CDK14: variants seen among roughly 807,000 people sequenced by gnomAD.
CDK14 encodes the protein cyclin-dependent kinase 14.
A neutral mutation model predicts 60.7 loss-of-function variants in CDK14; 34 were observed. That is an observed-to-expected ratio of 0.56 (90% CI 0.43 to 0.75). The LOEUF (loss-of-function observed/expected upper bound fraction) is 0.75, where lower values mean the gene tolerates loss of function less well. Ranked by LOEUF, CDK14 falls within the 30% of genes least tolerant of loss-of-function variation. The pLI, the probability that CDK14 is intolerant of heterozygous loss-of-function variation, is 0.00. For synonymous variants in CDK14, 197 were observed against 203.7 expected, an observed-to-expected ratio of 0.97 and a Z score of 0.28; for missense variants, 482 against 564.1, an observed-to-expected ratio of 0.85 and a Z score of 1.47.
intron 12 of CDK14, among the ~76,000 whole-genome samples, chr7:91,103,970 T>C (rs1483919673): frequency 6.6e-6 from 1 of 152,212 alleles, no homozygotes; most frequent in Non-Finnish European, 1.5e-5. Flanking sequence ...ACTTGTTTCA[T>C]AGTTATTCGC....
intron 5 of CDK14, among the ~76,000 whole-genome samples, chr7:90,832,790 A>G (rs969345494): frequency 1.3e-5 from 2 of 152,222 alleles, no homozygotes; most frequent in African/African-American, 4.8e-5. Context: ...AACATAGGTC[A>G]TGAAAAGGAG....
rs1331722857 is a variant in CDK14 at position 90,843,928 on chromosome 7, A to G, written c.545-19247A>G. Among the ~76,000 whole-genome samples, 11 of 152,292 alleles carry G rather than the reference A, an allele frequency of 7.2e-5. 1 individual carries two copies. In the South Asian group the frequency reaches 2.3e-3, roughly 32 times the overall value. On this transcript the variant is annotated intron_variant, in intron 5 of 14. Transcript: ENST00000380050. ...ATATCCCATTGTCAAACTTCCATTT[A>G]TATAGCATCTTTAAATTTTTACTAG...
intron 2 of CDK14, among the ~76,000 whole-genome samples, chr7:90,607,666 C>G (rs951548683): frequency 1.3e-5 from 2 of 152,096 alleles, no homozygotes; most frequent in Non-Finnish European, 2.9e-5. Flanking sequence ...TTTAATTGAA[C>G]AGTTTAGAAG....
At chr7:90,645,469 C>A (rs1584765181) in intron 2 of CDK14, among the ~76,000 whole-genome samples, 1 of 152,168 alleles carries the variant, frequency 6.6e-6, no homozygotes, top group East Asian at 1.9e-4. Context: ...ACACATTTGC[C>A]AGGCTTGAAT....
chr7:90,814,821 G>A (rs1042268475), intron 5 of CDK14, among the ~76,000 whole-genome samples: 2 of 152,184 alleles, frequency 1.3e-5, no homozygotes, highest in African/African-American at 4.8e-5. Flanking sequence ...CAGCCAGGAA[G>A]CTGATTGTAA....
In CDK14 at chr7:90,668,696, ATTCTTTTTT is replaced by A. The variant is rs1364450972; in HGVS notation, c.124-57868_124-57860del. 9.7e-3 allele frequency among the ~76,000 whole-genome samples: 663 copies of A among 68,432 alleles called. 15 individuals carry two copies. The highest frequency in any genetic ancestry group is 0.034 in the African/African-American group (567 of 16,808). 44.9% of individuals were successfully genotyped at this position (68,432 alleles called of 152,430 possible). On this transcript the variant is annotated intron_variant, in intron 2 of 14. Transcript: ENST00000380050. ...TTATATGGTGTAAGGAAGGACTCGC[ATTCTTTTTT>A]TTTTTTTTTTTTTTTTTTTTTCAAC...
intron 2 of CDK14, among the ~76,000 whole-genome samples, chr7:90,708,083 C>A (rs1029520048): frequency 6.6e-6 from 1 of 152,160 alleles, no homozygotes; most frequent in African/African-American, 2.4e-5. Context: ...CTAAGAAGAA[C>A]CTTTAGCCCT....
intron 2 of CDK14, among the ~76,000 whole-genome samples, chr7:90,713,717 C>G (rs1802144562): frequency 6.7e-6 from 1 of 148,962 alleles, no homozygotes; most frequent in South Asian, 2.1e-4. Flanking sequence ...GTTTACTTCT[C>G]TCATGATGTA....
At chr7:90,599,723 C>A (rs13234216) in intron 1 of CDK14, among the ~76,000 whole-genome samples, 67,538 of 151,540 alleles carry the variant, frequency 0.45, 15,510 homozygotes, top group Non-Finnish European at 0.51. Flanking sequence ...TTCTCTTTAA[C>A]CAATCTAAGC....
chr7:90,827,928 G>A (rs1366195163), intron 5 of CDK14, among the ~76,000 whole-genome samples: 1 of 152,068 alleles, frequency 6.6e-6, no homozygotes, highest in Non-Finnish European at 1.5e-5. Flanking sequence ...TCTAGTATTG[G>A]TGGGAACCTA....
At chr7:90,919,589 T>C (rs1421421203) in intron 8 of CDK14, among the ~76,000 whole-genome samples, 1 of 152,216 alleles carries the variant, frequency 6.6e-6, no homozygotes, top group East Asian at 1.9e-4. Flanking sequence ...CTTTCTCCTG[T>C]TCCTTTCTCT....
chr7:90,700,206 G>A (rs998048155), intron 2 of CDK14, among the ~76,000 whole-genome samples: 2 of 152,118 alleles, frequency 1.3e-5, no homozygotes, highest in African/African-American at 2.4e-5. Flanking sequence ...TGATTCTCCT[G>A]CCTTAGCCTC....
intron 6 of CDK14, among the ~76,000 whole-genome samples, chr7:90,870,397 G>A (rs1474226301): frequency 1.3e-5 from 2 of 152,122 alleles, no homozygotes; most frequent in Non-Finnish European, 2.9e-5. Context: ...TGGATACTAG[G>A]CTTAACACCT....
chr7:90,903,497 A>G (rs1171473012), intron 7 of CDK14, among the ~76,000 whole-genome samples: 1 of 152,196 alleles, frequency 6.6e-6, no homozygotes, highest in Non-Finnish European at 1.5e-5. Flanking sequence ...ATATTCATAT[A>G]TGGGAGCTAA....
In CDK14 at chr7:90,753,195, CAG is replaced by C. The variant is rs1465477526; in HGVS notation, c.464+5422_464+5423del. 2.0e-5 allele frequency among the ~76,000 whole-genome samples: 3 copies of C among 152,100 alleles called. No homozygotes were observed. In the South Asian group the frequency reaches 6.2e-4, roughly 32 times the overall value. ...ACAACTAGGAAAGAAACAATGAAAA[CAG>C]AAAACTAAAAGCCAATATGCCTGAT... On this transcript the variant is annotated intron_variant, in intron 4 of 14. Coordinates refer to ENST00000380050, the MANE Select transcript of CDK14 (RefSeq NM_001287135.2).
intron 12 of CDK14, among the ~76,000 whole-genome samples, chr7:91,101,145 A>G (rs1399349969): frequency 6.6e-6 from 1 of 152,226 alleles, no homozygotes; most frequent in Non-Finnish European, 1.5e-5. Context: ...AGAGAGAAAT[A>G]TGGAAAAATG....
At chr7:91,046,787 T>C (rs1443938330) in intron 11 of CDK14, among the ~76,000 whole-genome samples, 1 of 152,172 alleles carries the variant, frequency 6.6e-6, no homozygotes, top group Non-Finnish European at 1.5e-5. Flanking sequence ...TCTAATAGTC[T>C]ATTATCCTAT....
At chr7:90,677,905 C>A (rs1156812997) in intron 2 of CDK14, among the ~76,000 whole-genome samples, 2 of 152,154 alleles carry the variant, frequency 1.3e-5, no homozygotes, top group Non-Finnish European at 2.9e-5. Context: ...TTTAGGCTGT[C>A]AGGAATGGGT....
intron 6 of CDK14, 150 bp downstream of exon 6, chr7:90,863,419 C>G (rs979176440): frequency 6.1e-6 from 3 of 491,078 alleles, no homozygotes; most frequent in Admixed American, 3.8e-5. Flanking sequence ...AAAATAAAGG[C>G]CCTATAAGAG....
Sources: allele counts gnomAD v4.1 joint callset (sites outside exome capture counted in the v4.1 genomes callset), GRCh38; gene constraint gnomAD v4.1.1; transcripts MANE v1.5; gene names NCBI Gene and HGNC (gene_info 2026-07-23, HGNC 2026-07-21).